The following ABRAXAS1 variants were observed in gnomAD, a reference collection of about 807,000 sequenced individuals.
ABRAXAS1 encodes the protein abraxas 1, BRCA1 A complex subunit, also known as BRCA1-A complex subunit Abraxas 1.
ABRAXAS1 carries 26 observed loss-of-function variants against 38.4 expected under a neutral mutation model. That is an observed-to-expected ratio of 0.68 (90% CI 0.50 to 0.94). The LOEUF (loss-of-function observed/expected upper bound fraction) is 0.94. ABRAXAS1 is among the 40% of genes least tolerant of loss of function. The probability of loss-of-function intolerance (pLI) is 0.00; values close to 1 mark genes in which losing one functional copy is unlikely to be tolerated. For missense variants in ABRAXAS1, 438 were observed against 481.9 expected, an observed-to-expected ratio of 0.91 and a Z score of 0.85; for synonymous variants, 144 against 165.5, an observed-to-expected ratio of 0.87 and a Z score of 1.00.
chr4:83,476,533 A>G (rs1722777028), intron 3 of ABRAXAS1, 110 bp downstream of exon 3: 4 of 740,354 alleles, frequency 5.4e-6, no homozygotes, highest in Non-Finnish European at 9.0e-6. Flanking sequence ...TCTACTCAGT[A>G]CCACCATGTA....
intron 2 of ABRAXAS1, chr4:83,477,869 CTT>C (rs1289365561): frequency 2.7e-6 from 2 of 749,562 alleles, no homozygotes; most frequent in East Asian, 3.1e-5. Context: ...AGATGAAACT[CTT>C]TTAATCAACA....
At chr4:83,471,433 C>G (rs1343697639) in intron 4 of ABRAXAS1, among the ~76,000 whole-genome samples, 1 of 151,736 alleles carries the variant, frequency 6.6e-6, no homozygotes, top group African/African-American at 2.4e-5. Flanking sequence ...TGGTCTCGAA[C>G]TCCTGACCTC....
intron 4 of ABRAXAS1, among the ~76,000 whole-genome samples, chr4:83,470,690 T>A (rs915690309): frequency 6.6e-6 from 1 of 152,194 alleles, no homozygotes; most frequent in African/African-American, 2.4e-5. Context: ...TCTTGCAATC[T>A]CACTCTTTAG....
In ABRAXAS1 at chr4:83,461,643, A is replaced by T; in HGVS notation, c.*826T>A. ...CCAGTAGTGTCTTTTACATGAAGAG[A>T]TGATTTACACCTAATAGACATTGAA... On this transcript the variant is annotated 3_prime_UTR_variant, in exon 9 of 9. Coordinates refer to ENST00000321945, the MANE Select transcript of ABRAXAS1 (RefSeq NM_139076.3). 1 of 274,620 alleles carries T rather than the reference A, an allele frequency of 3.6e-6. No individual in the cohort carries two copies. The highest frequency in any genetic ancestry group is 5.2e-5 in the East Asian group (1 of 19,338). The allele number at this position is 274,620 out of a possible 1,614,324, so 17.0% of individuals were successfully genotyped here. A position where few individuals can be genotyped will look rare whatever the true frequency, so the allele number is the denominator to read the frequency against.
chr4:83,468,915 T>C, intron 6 of ABRAXAS1, 117 bp downstream of exon 6: 2 of 1,209,414 alleles, frequency 1.7e-6, no homozygotes, highest in Non-Finnish European at 2.4e-6. Context: ...AACAGCCTAG[T>C]TTACTTGAGT....
At chr4:83,484,244 G>A in intron 1 of ABRAXAS1, 5 of 979,796 alleles carry the variant, frequency 5.1e-6, no homozygotes, top group Non-Finnish European at 6.1e-6. Context: ...GCATTGTTCA[G>A]CAGGGTATTC....
In ABRAXAS1 at chr4:83,471,143, G is replaced by GA. The variant is rs768398925; in HGVS notation, c.283-748dup. Among the ~76,000 whole-genome samples the GA allele has an allele frequency of 4.2e-4, 61 of 146,582 alleles. 1 individual carries two copies. The highest frequency in any genetic ancestry group is 2.4e-4 in the Non-Finnish European group (16 of 66,532). On this transcript the variant is annotated intron_variant, in intron 4 of 8. Coordinates refer to ENST00000321945, the MANE Select transcript of ABRAXAS1 (RefSeq NM_139076.3). ...TAAATACTCAAATAATAATTGGGGG[G>GA]AAAAAACACAAGCATTTTCAGCCAA...
chr4:83,459,928 G>C lies in ABRAXAS1; in HGVS notation c.*2541C>G. ...ACTAGATCAGATACTACAGGGACTA[G>C]AGCTAGTTACTATGAAAAAGTCTCT... On this transcript the variant is annotated 3_prime_UTR_variant, in exon 9 of 9. Coordinates refer to ENST00000321945, the MANE Select transcript of ABRAXAS1 (RefSeq NM_139076.3). 2.9e-6 allele frequency: 2 copies of C among 681,372 alleles called. No individual in the cohort carries two copies. Among genetic ancestry groups the C allele is most frequent in the Non-Finnish European group, 4.8e-6 (2 of 417,752 alleles). The allele number at this position is 681,372 out of a possible 1,614,324, so 42.2% of individuals were successfully genotyped here. A position where few individuals can be genotyped will look rare whatever the true frequency, so the allele number is the denominator to read the frequency against.
chr4:83,466,322 A>G (rs1722349945), intron 7 of ABRAXAS1, among the ~76,000 whole-genome samples: 1 of 152,106 alleles, frequency 6.6e-6, no homozygotes, highest in Admixed American at 6.5e-5. Flanking sequence ...CCATCTTGAC[A>G]TCTAGTTCTA....
intron 1 of ABRAXAS1, 96 bp downstream of exon 1, chr4:83,484,890 G>C: frequency 9.5e-7 from 1 of 1,047,212 alleles, no homozygotes. Context: ...GGCGGCGTCG[G>C]GGGAGCGGGC....
chr4:83,480,738 T>A (rs1208679276), intron 2 of ABRAXAS1, among the ~76,000 whole-genome samples: 1 of 152,176 alleles, frequency 6.6e-6, no homozygotes, highest in Non-Finnish European at 1.5e-5. Flanking sequence ...TAGTATACTT[T>A]ATGATAATGA....
intron 1 of ABRAXAS1, 66 bp from the exon 2 acceptor site, chr4:83,482,310 A>C: frequency 1.0e-6 from 1 of 990,044 alleles, no homozygotes; most frequent in Non-Finnish European, 1.5e-6. Flanking sequence ...AACTAACCGT[A>C]TTTCCTGAGT....
chr4:83,483,277 C>CTT (rs745707908), intron 1 of ABRAXAS1, among the ~76,000 whole-genome samples: 2,900 of 136,430 alleles, frequency 0.021, 119 homozygotes, highest in African/African-American at 0.075. Context: ...GATTTTATAT[C>CTT]TTTTTTTTTT....
In ABRAXAS1 at chr4:83,460,643, C is replaced by T. The variant is rs535536590; in HGVS notation, c.*1826G>A. ...TTGAGGCTGGGCATGTTGGCTCACACCTGTAATCCCAGCACTTTGGGAGGC... is the reference window on the plus strand; with the variant it reads ...TTGAGGCTGGGCATGTTGGCTCACATCTGTAATCCCAGCACTTTGGGAGGC... On this transcript the variant is annotated 3_prime_UTR_variant, in exon 9 of 9. Coordinates refer to ENST00000321945, the MANE Select transcript of ABRAXAS1 (RefSeq NM_139076.3). 1.2e-4 allele frequency: 33 copies of T among 268,458 alleles called. No individual in the cohort carries two copies. The highest frequency in any genetic ancestry group is 6.7e-4 in the African/African-American group (29 of 43,242). The allele number at this position is 268,458 out of a possible 1,614,324, so 16.6% of individuals were successfully genotyped here. A position where few individuals can be genotyped will look rare whatever the true frequency, so the allele number is the denominator to read the frequency against.
At chr4:83,471,866 T>C (rs1161295651) in intron 4 of ABRAXAS1, among the ~76,000 whole-genome samples, 2 of 151,302 alleles carry the variant, frequency 1.3e-5, no homozygotes, top group Non-Finnish European at 2.9e-5. Flanking sequence ...CAAGACTCCG[T>C]CTCAAAAAAA....
At chr4:83,466,691 A>C (rs1578125722) in intron 7 of ABRAXAS1, 1 of 152,222 alleles carries the variant, frequency 6.6e-6, no homozygotes, top group Admixed American at 6.6e-5. Context: ...GCCCACCACC[A>C]TGCCCGGCTA....
At position 83,462,476 on chromosome 4, in the gene ABRAXAS1, G is replaced by A. The variant is rs368663402; in HGVS notation, c.1223C>T (p.Thr408Ile). The A allele has an allele frequency of 1.7e-5, 27 of 1,610,336 alleles. No homozygotes were observed. The highest frequency in any genetic ancestry group is 2.2e-5 in the Non-Finnish European group (26 of 1,178,406). The change falls in exon 9 of 9, where the codon ACA becomes ATA. Residue 408 changes from threonine to isoleucine, a missense_variant. Thr to Ile is a moderately conservative substitution (Grantham distance 89). This residue lies in a region of ABRAXAS1 where 184 missense variants were observed against 181.9 expected (regional missense o/e 1.01). Transcript: ENST00000321945. ...KGFGEYSRSP[T>I]F ...CTTGTAAGGTTAAAAGGATCAAAAT[G>A]TAGGAGACCGTGAATATTCACCAAA...
At chr4:83,482,991 C>T (rs1345836791) in intron 1 of ABRAXAS1, among the ~76,000 whole-genome samples, 1 of 152,116 alleles carries the variant, frequency 6.6e-6, no homozygotes, top group African/African-American at 2.4e-5. Context: ...AATGGGACAC[C>T]CCGAATGACT....
In ABRAXAS1 at chr4:83,460,764, G is replaced by A. The variant is rs1467801436; in HGVS notation, c.*1705C>T. ...ACTACAAATACAAAAAAATTATCCG[G>A]GTGTGGCGGTGCATGCCTGTAATTC... On this transcript the variant is annotated 3_prime_UTR_variant, in exon 9 of 9. Transcript: ENST00000321945. The A allele has an allele frequency of 2.0e-6, 1 of 504,368 alleles. No homozygotes were observed. Among genetic ancestry groups the A allele is most frequent in the Non-Finnish European group, 3.6e-6 (1 of 279,370 alleles). 31.2% of individuals were successfully genotyped at this position (504,368 alleles called of 1,614,324 possible). A position where few individuals can be genotyped will look rare whatever the true frequency, so the allele number is the denominator to read the frequency against.
Sources: gnomAD v4.1 joint callset for allele counts (sites outside exome capture counted in the v4.1 genomes callset) on GRCh38, gnomAD v4.1.1 for gene constraint, gnomAD v4.1.1 regional missense constraint, MANE v1.5 for transcripts, NCBI Gene and HGNC (gene_info 2026-07-23, HGNC 2026-07-21) for gene names.